WAC: variants seen among roughly 807,000 people sequenced by gnomAD.
The protein encoded by WAC is WW domain-containing adapter protein with coiled-coil.
In WAC, 11 loss-of-function variants were observed where a neutral mutation model predicts 79.6. The ratio of observed to expected loss-of-function variants is 0.14; its 90% confidence interval spans 0.09 to 0.23. The LOEUF is 0.23. Ranked by LOEUF, WAC falls within the 10% of genes least tolerant of loss-of-function variation. The pLI is 1.00. For missense variants in WAC, 728 were observed against 773.5 expected (o/e 0.94, Z 0.70); for synonymous variants, 304 against 276.9 (o/e 1.10, Z -0.97).
rs1325521694 is a variant in WAC, at chr10:28,590,939, A to G, written c.610+107A>G. On this transcript the variant is annotated intron_variant, in intron 6 of 13. Transcript: ENST00000354911. ...CATATGTAAATTAAAATAAATAGAA[A>G]CATACGGAGATTCTTTTATGTTGGA... 1.2e-5 allele frequency: 11 copies of G among 901,420 alleles called. No homozygotes were observed. The East Asian group carries it at 3.0e-4, about 24-fold the overall frequency. The allele number at this position is 901,420 out of a possible 1,614,324, so 55.8% of individuals were successfully genotyped here. A position where few individuals can be genotyped will look rare whatever the true frequency, so the allele number is the denominator to read the frequency against.
intron 3 of WAC, among the ~76,000 whole-genome samples, chr10:28,536,644 C>A (rs1836694272): frequency 1.3e-5 from 2 of 152,172 alleles, no homozygotes. Context: ...AGTCTGATTT[C>A]TTTTGCACAG....
intron 13 of WAC, among the ~76,000 whole-genome samples, chr10:28,619,080 A>G (rs897298616): frequency 1.3e-5 from 2 of 152,212 alleles, no homozygotes; most frequent in Non-Finnish European, 2.9e-5. Flanking sequence ...GGAGTTCAAG[A>G]CCAGCCTGGC....
intron 9 of WAC, 106 bp from the exon 10 acceptor site, chr10:28,611,668 G>A: frequency 1.4e-6 from 2 of 1,400,994 alleles, no homozygotes; most frequent in South Asian, 1.4e-5. Context: ...TGGGGGTGGG[G>A]GGGTTTAGAG....
intron 10 of WAC, 138 bp downstream of exon 10, chr10:28,612,060 T>G (rs1201736630): frequency 4.7e-6 from 5 of 1,071,732 alleles, no homozygotes; most frequent in Non-Finnish European, 5.3e-6. Context: ...TGATAGTAGA[T>G]GCAGCCTAGA....
intron 2 of WAC, chr10:28,534,375 A>G (rs1162726530): frequency 3.6e-6 from 1 of 274,848 alleles, no homozygotes; most frequent in Non-Finnish European, 6.8e-6. Flanking sequence ...TTATTTATTT[A>G]TTGTGTTGGG....
Position 28,553,752 on chromosome 10 carries a change from T to TG in WAC, c.274+18000dup, listed in dbSNP as rs1232444318. On this transcript the variant is annotated intron_variant, in intron 3 of 13. Transcript: ENST00000354911. ...TCCCCAACCACAGATAGAAAATATT[T>TG]GGGGGAATAAAAGGATGGTTGTGTC... Among the ~76,000 whole-genome samples, 5 of 152,302 alleles carry TG rather than the reference T, an allele frequency of 3.3e-5. No individual in the cohort carries two copies. The East Asian group carries it at 9.7e-4, about 29-fold the overall frequency.
At chr10:28,571,642 T>G (rs1403486362) in intron 3 of WAC, among the ~76,000 whole-genome samples, 3 of 152,262 alleles carry the variant, frequency 2.0e-5, no homozygotes, top group African/African-American at 7.2e-5. Flanking sequence ...AAGCGCAGCA[T>G]GTACTTGAAG....
At chr10:28,546,533 C>T (rs1295813852) in intron 3 of WAC, among the ~76,000 whole-genome samples, 1 of 152,164 alleles carries the variant, frequency 6.6e-6, no homozygotes. Flanking sequence ...TTAATATGCA[C>T]GGATACCTGA....
chr10:28,615,621 A>T (rs1841435016), intron 11 of WAC: 1 of 152,346 alleles, frequency 6.6e-6, no homozygotes, highest in South Asian at 2.1e-4. Context: ...TCACCACCAT[A>T]TCCCCAACCC....
At chr10:28,577,556 T>A (rs141684939) in intron 3 of WAC, among the ~76,000 whole-genome samples, 1 of 152,322 alleles carries the variant, frequency 6.6e-6, no homozygotes, top group East Asian at 1.9e-4. Flanking sequence ...GATATGTGGC[T>A]TTCTTGGTGA....
intron 7 of WAC, among the ~76,000 whole-genome samples, chr10:28,600,241 T>C (rs1293875553): frequency 6.6e-6 from 1 of 152,058 alleles, no homozygotes; most frequent in African/African-American, 2.4e-5. Context: ...CACATGCTGG[T>C]GCCATATGTA....
chr10:28,566,695 G>C (rs890572750), intron 3 of WAC, among the ~76,000 whole-genome samples: 2 of 152,074 alleles, frequency 1.3e-5, no homozygotes, highest in Non-Finnish European at 2.9e-5. Context: ...ATTGTCTTCT[G>C]GCATTTAGTG....
intron 3 of WAC, among the ~76,000 whole-genome samples, chr10:28,553,208 AAAC>A (rs1256426392): frequency 2.6e-5 from 4 of 152,170 alleles, no homozygotes; most frequent in African/African-American, 9.7e-5. Context: ...CAACTATTAT[AAAC>A]AAATCTTTTA....
At chr10:28,596,333 A>G (rs974733608) in intron 7 of WAC, among the ~76,000 whole-genome samples, 37 of 152,238 alleles carry the variant, frequency 2.4e-4, no homozygotes, top group Admixed American at 1.9e-3. Flanking sequence ...TGTCTCTTCA[A>G]TTTTCTGTTT....
At chr10:28,557,053 C>CAAAT (rs1838036766) in intron 3 of WAC, among the ~76,000 whole-genome samples, 1 of 148,786 alleles carries the variant, frequency 6.7e-6, no homozygotes, top group South Asian at 2.1e-4. Flanking sequence ...ATGTTCCCTA[C>CAAAT]AAATTTTGGG....
intron 7 of WAC, among the ~76,000 whole-genome samples, chr10:28,603,970 T>A (rs867622134): frequency 0.018 from 206 of 11,276 alleles, 36 homozygotes; most frequent in African/African-American, 0.056. Flanking sequence ...TGTATATATA[T>A]ATATATATAT....
intron 3 of WAC, among the ~76,000 whole-genome samples, chr10:28,551,169 T>C (rs2132421970): frequency 6.6e-6 from 1 of 152,330 alleles, no homozygotes; most frequent in Middle Eastern, 3.4e-3. Context: ...GAATATTCAG[T>C]AAGCTTTTTG....
chr10:28,543,841 T>C (rs984572105), intron 3 of WAC, among the ~76,000 whole-genome samples: 1 of 152,010 alleles, frequency 6.6e-6, no homozygotes, highest in Admixed American at 6.6e-5. Context: ...TAGTATTCTG[T>C]AATCTTTCCA....
At chr10:28,565,974 T>A (rs1838579664) in intron 3 of WAC, among the ~76,000 whole-genome samples, 1 of 152,170 alleles carries the variant, frequency 6.6e-6, no homozygotes, top group Non-Finnish European at 1.5e-5. Context: ...CAATCTAGAA[T>A]CTGACATTTA....
Sources: gnomAD v4.1 joint callset for allele counts (sites outside exome capture counted in the v4.1 genomes callset) on GRCh38, gnomAD v4.1.1 for gene constraint, MANE v1.5 for transcripts, NCBI Gene and HGNC (gene_info 2026-07-23, HGNC 2026-07-21) for gene names.